LDHB: variants seen among roughly 807,000 people sequenced by gnomAD.
LDHB encodes L-lactate dehydrogenase B chain.
Under a neutral mutation model 33.4 loss-of-function variants are expected in LDHB, and 18 were observed. The observed-to-expected ratio is 0.54, with a 90% CI of 0.37 to 0.80. The LOEUF (loss-of-function observed/expected upper bound fraction) is 0.80, where lower values mean the gene tolerates loss of function less well. LDHB is among the 30% of genes least tolerant of loss of function. The pLI, the probability that LDHB is intolerant of heterozygous loss-of-function variation, is 0.00. For synonymous variants in LDHB, 121 were observed against 140.6 expected, an observed-to-expected ratio of 0.86 and a Z score of 0.98; for missense variants, 345 against 407.9, an observed-to-expected ratio of 0.85 and a Z score of 1.33.
chr12:21,640,493 TAATA>T (rs568522578), intron 5 of LDHB, among the ~76,000 whole-genome samples: 122 of 152,160 alleles, frequency 8.0e-4, no homozygotes, highest in African/African-American at 2.6e-3. Flanking sequence ...TAGTTATAAT[TAATA>T]GTTTATTAAA....
intron 5 of LDHB, 69 bp from the exon 6 acceptor site, chr12:21,638,539 T>TA: frequency 9.2e-7 from 1 of 1,085,922 alleles, no homozygotes; most frequent in Non-Finnish European, 1.4e-6. Context: ...TTTTCTTCTT[T>TA]TAGTGCAATT....
intron 2 of LDHB, among the ~76,000 whole-genome samples, chr12:21,654,159 T>C (rs1047747902): frequency 1.3e-5 from 2 of 152,158 alleles, no homozygotes; most frequent in African/African-American, 4.8e-5. Flanking sequence ...AAAGAAAGGT[T>C]GAGTAACAGT....
intron 4 of LDHB, chr12:21,643,618 T>C (rs964875950): frequency 3.4e-6 from 1 of 294,264 alleles, no homozygotes; most frequent in Non-Finnish European, 6.4e-6. Context: ...AAATTGAAAC[T>C]ATGTTCGAAT....
At position 21,654,881 on chromosome 12, in the gene LDHB, G is replaced by C. The variant is rs149365419; in HGVS notation, c.-6-204C>G. 8.0e-3 allele frequency among the ~76,000 whole-genome samples: 1,221 copies of C among 152,064 alleles called. 6 individuals are homozygous for C. The highest frequency in any genetic ancestry group is 0.012 in the Non-Finnish European group (844 of 67,996). On this transcript the variant is annotated intron_variant, in intron 1 of 7. Coordinates refer to ENST00000350669, the MANE Select transcript of LDHB (RefSeq NM_002300.8). ...CTCATGCCTGTAATCCCAACACTTT[G>C]GGAGGCAGAGGCTGGTGGATCACGA...
intron 4 of LDHB, 179 bp downstream of exon 4, chr12:21,643,751 TGAACA>T: frequency 3.5e-6 from 2 of 573,966 alleles, no homozygotes; most frequent in Admixed American, 3.1e-5. Flanking sequence ...TCACATTTTT[TGAACA>T]TCTGGCCTGG....
intron 3 of LDHB, among the ~76,000 whole-genome samples, chr12:21,644,543 A>G (rs989027854): frequency 2.6e-5 from 4 of 152,096 alleles, no homozygotes; most frequent in African/African-American, 9.7e-5. Flanking sequence ...TCTGGAAACT[A>G]AAACTTGGAT....
intron 2 of LDHB, among the ~76,000 whole-genome samples, chr12:21,654,193 G>GT (rs1376580581): frequency 1.3e-5 from 2 of 152,192 alleles, no homozygotes; most frequent in Non-Finnish European, 2.9e-5. Flanking sequence ...ATGAAGAGAC[G>GT]TAAGTATATG....
intron 2 of LDHB, chr12:21,654,301 G>A: frequency 1.9e-6 from 1 of 519,844 alleles, no homozygotes; most frequent in Admixed American, 3.2e-5. Flanking sequence ...CTGGATGATA[G>A]TATTGCATCA....
intron 5 of LDHB, among the ~76,000 whole-genome samples, chr12:21,640,208 G>C (rs2247376): frequency 0.95 from 142,999 of 151,308 alleles, 68,065 homozygotes; most frequent in East Asian, 1. Flanking sequence ...AACAGATTTA[G>C]ATCTATGAAA....
In LDHB at chr12:21,635,638, G is replaced by A. The variant is rs765924083; in HGVS notation, c.909C>T (p.Ser303=). ...CATCCTTTAGCTTCTGGTTGATAACGCTGGTTAATCCCCGGGCATTGAGGA... is the reference window on the plus strand; with the variant it reads ...CATCCTTTAGCTTCTGGTTGATAACACTGGTTAATCCCCGGGCATTGAGGA... ...PCILNARGLT[S]VINQKLKDDE... Residue 303 remains serine (S), a synonymous_variant, in exon 8 of 8, where the codon AGC becomes AGT. Transcript: ENST00000350669. The A allele has an allele frequency of 5.6e-6, 9 of 1,613,234 alleles. No individual in the cohort carries two copies. The East Asian group carries it at 6.7e-5, about 12-fold the overall frequency.
intron 6 of LDHB, 114 bp from the exon 7 acceptor site, chr12:21,637,308 C>A: frequency 1.3e-6 from 1 of 781,628 alleles, no homozygotes; most frequent in Non-Finnish European, 2.2e-6. Context: ...ATTATTTACC[C>A]TTTATTGCCT....
chr12:21,640,881 A>G (rs971045730), intron 5 of LDHB, among the ~76,000 whole-genome samples: 2 of 152,132 alleles, frequency 1.3e-5, no homozygotes, highest in Non-Finnish European at 2.9e-5. Context: ...GCCTGGGACA[A>G]CTTGAGCATT....
At position 21,642,074 on chromosome 12, in the gene LDHB, C is replaced by T. The variant is rs200163319; in HGVS notation, c.473G>A (p.Arg158His). 1.1e-4 allele frequency: 182 copies of T among 1,612,912 alleles called. No individual in the cohort carries two copies. The East Asian group carries it at 2.9e-3, about 26-fold the overall frequency. The change falls in exon 5 of 8, where the codon CGC becomes CAC. Residue 158 changes from arginine to histidine, a missense_variant. Coordinates refer to ENST00000350669, the MANE Select transcript of LDHB (RefSeq NM_002300.8). ...CAGATTACATCCACTTCCAATCACG[C>T]GGTGTTTGGGTAATCCACTTAGTTT... ...TWKLSGLPKH[R>H]VIGSGCNLDS...
intron 5 of LDHB, among the ~76,000 whole-genome samples, 200 bp downstream of exon 5, chr12:21,641,752 G>A (rs931256136): frequency 2.0e-5 from 3 of 152,080 alleles, no homozygotes; most frequent in African/African-American, 4.8e-5. Flanking sequence ...ATTGATCAAG[G>A]TAAAGATAGA....
intron 2 of LDHB, among the ~76,000 whole-genome samples, chr12:21,648,462 A>G (rs1650301): frequency 0.95 from 143,190 of 151,486 alleles, 68,181 homozygotes; most frequent in East Asian, 1. Flanking sequence ...TAAGTGAACC[A>G]GCCCATGTTG....
intron 7 of LDHB, 81 bp from the exon 8 acceptor site, chr12:21,635,790 G>T: frequency 7.8e-7 from 1 of 1,280,000 alleles, no homozygotes; most frequent in South Asian, 1.2e-5. Context: ...GAGGTGGGAG[G>T]ACTGTTTGAG....
At chr12:21,648,801 T>G (rs1938599746) in intron 2 of LDHB, among the ~76,000 whole-genome samples, 1 of 152,218 alleles carries the variant, frequency 6.6e-6, no homozygotes, top group Admixed American at 6.5e-5. Flanking sequence ...ACAGTGGGCT[T>G]GCTTGTGAGG....
chr12:21,644,031 T>C lies in LDHB; in HGVS notation c.325A>G (p.Asn109Asp). 2 of 1,612,624 alleles carry C rather than the reference T, an allele frequency of 1.2e-6. No individual in the cohort carries two copies. The highest frequency in any genetic ancestry group is 1.7e-6 in the Non-Finnish European group (2 of 1,178,666). Residue 109 changes from asparagine to aspartate, a missense_variant, in exon 4 of 8, where the codon AAT (asparagine) becomes GAT (aspartate). By Grantham distance (23) the Asn-to-Asp change is conservative (BLOSUM62 1). Coordinates refer to ENST00000350669, the MANE Select transcript of LDHB (RefSeq NM_002300.8). Reference protein sequence around the residue: ...VRQQEGESRLNLVQRNVNVFK... With the variant: ...VRQQEGESRLDLVQRNVNVFK... The stretch of plus-strand genomic sequence containing the variant: ...ACATTAACATTTCTCTGCACCAGAT[T>C]GAGCCGACTCTCCCCTTCTTGCTGA...
At chr12:21,656,378 T>C (rs904363284) in intron 1 of LDHB, among the ~76,000 whole-genome samples, 1 of 152,170 alleles carries the variant, frequency 6.6e-6, no homozygotes, top group South Asian at 2.1e-4. Flanking sequence ...GACCTTAAAA[T>C]GAAATAAATT....
Sources: gnomAD v4.1 joint callset for allele counts (sites outside exome capture counted in the v4.1 genomes callset) on GRCh38, gnomAD v4.1.1 for gene constraint, MANE v1.5 for transcripts, NCBI Gene and HGNC (gene_info 2026-07-23, HGNC 2026-07-21) for gene names.